Variants in MICALL1 observed in about 807,000 individuals in gnomAD.
MICALL1 encodes the protein MICAL like 1.
MICALL1 carries 61 observed loss-of-function variants against 83.7 expected under a neutral mutation model. That is an observed-to-expected ratio of 0.73 (90% CI 0.59 to 0.90). The LOEUF is 0.90. MICALL1 is among the 40% of genes least tolerant of loss of function. The pLI is 0.00. For missense variants in MICALL1, 1,066 were observed against 1,152.0 expected (o/e 0.93, Z 1.08); for synonymous variants, 481 against 473.6 (o/e 1.02, Z -0.20).
At chr22:37,911,720 G>A (rs1569134932) in intron 1 of MICALL1, among the ~76,000 whole-genome samples, 1 of 152,124 alleles carries the variant, frequency 6.6e-6, no homozygotes, top group Non-Finnish European at 1.5e-5. Flanking sequence ...ATGCCTCCAG[G>A]GCCCGTGATC....
At chr22:37,922,804 T>TG (rs1569141802) in intron 6 of MICALL1, among the ~76,000 whole-genome samples, 48 of 138,720 alleles carry the variant, frequency 3.5e-4, no homozygotes, top group Middle Eastern at 3.8e-3. Flanking sequence ...TTGTTTTTTT[T>TG]TTTTTTTTTT....
In MICALL1 at chr22:37,924,701, C is replaced by A. The variant is rs1929311020; in HGVS notation, c.1066C>A (p.Pro356Thr). The A allele has an allele frequency of 6.2e-7, 1 of 1,612,154 alleles. No homozygotes were observed. Reference sequence around the variant, plus strand: ...GCCTGTCCCCAAGCCGAGGGGGACACCGAAGCCGTCCGAGGGGTATGTCGA... The same window carrying A: ...GCCTGTCCCCAAGCCGAGGGGGACAACGAAGCCGTCCGAGGGGTATGTCGA... ...ELPVPKPRGT[P>T]KPSEGTPAPR... Residue 356 changes from proline to threonine, a missense_variant, in exon 7 of 16, where the codon CCG (proline) becomes ACG (threonine). Physicochemically the swap from Pro to Thr is conservative, Grantham distance 38 (BLOSUM62 -1). Transcript: ENST00000215957. This position sits in a 1 kb window ranked among gnomAD's most constrained non-coding sequence, Gnocchi z 5.2.
chr22:37,928,022 C>A (rs1432929560), intron 9 of MICALL1, among the ~76,000 whole-genome samples, 196 bp downstream of exon 9: 1 of 152,010 alleles, frequency 6.6e-6, no homozygotes, highest in African/African-American at 2.4e-5. Flanking sequence ...ATTCTCCTGC[C>A]TGAGCCCCCA....
intron 2 of MICALL1, 82 bp from the exon 3 acceptor site, chr22:37,912,268 GC>G (rs1928377115): frequency 6.6e-7 from 1 of 1,517,272 alleles, no homozygotes; most frequent in African/African-American, 1.4e-5. Context: ...AGGGAGCTGG[GC>G]CTAGGCTGAG....
chr22:37,921,954 T>A lies in MICALL1; in HGVS notation c.570-18T>A, dbSNP rs1929059132. On this transcript the variant is annotated intron_variant, in intron 5 of 15. Coordinates refer to ENST00000215957, the MANE Select transcript of MICALL1 (RefSeq NM_033386.4). The stretch of plus-strand genomic sequence containing the variant: ...CCAGCTGCCTGGCTAAGTGAACCCC[T>A]GTCCTGTCCCCTGCCAGGTGTCGGC... 6.5e-7 allele frequency: 1 copy of A among 1,542,378 alleles called. No individual in the cohort carries two copies. The highest frequency in any genetic ancestry group is 2.3e-5 in the East Asian group (1 of 44,078).
In MICALL1 at chr22:37,925,970, C is replaced by T. The variant is rs147736076; in HGVS notation, c.1392C>T (p.Tyr464=). 537 of 1,613,900 alleles carry T rather than the reference C, an allele frequency of 3.3e-4. 2 individuals carry two copies. Among genetic ancestry groups the T allele is most frequent in the South Asian group, 4.3e-4 (39 of 91,072 alleles). ...CACCCAAGTCCCTGCACCCCTGGTA[C>T]GGCATCACCCCTACCAGCAGCCCCA... is the stretch of plus-strand genomic sequence containing the variant. ...ESTPKSLHPW[Y]GITPTSSPKT... Residue 464 remains tyrosine (Y), a synonymous_variant, in exon 8 of 16, where the codon TAC becomes TAT. Transcript: ENST00000215957.
chr22:37,922,356 GC>G lies in MICALL1; in HGVS notation c.958del (p.Arg320GlyfsTer21). The G allele has an allele frequency of 2.7e-6, 4 of 1,468,444 alleles. No individual in the cohort carries two copies. The highest frequency in any genetic ancestry group is 1.2e-5 in the South Asian group (1 of 80,280). The allele number at this position is 1,468,444 out of a possible 1,614,324, so 91.0% of individuals were successfully genotyped here. ...AGAGCACCACCCCAGCACCCCCCAC[GC>G]CCCGGCCCCGCTCCAGTCTGCAGCA... is the stretch of plus-strand genomic sequence containing the variant. ...SESTTPAPPT[P>X]RPRSSLQQEN... On this transcript the variant is annotated frameshift_variant, in exon 6 of 16. Transcript: ENST00000215957. LOFTEE classifies it high-confidence loss of function.
chr22:37,916,157 G>A (rs1220876967), intron 3 of MICALL1, among the ~76,000 whole-genome samples: 4 of 152,154 alleles, frequency 2.6e-5, no homozygotes, highest in Non-Finnish European at 4.4e-5. Flanking sequence ...TGGGCAGCCT[G>A]GTGGGCAGGG....
chr22:37,926,900 T>C (rs1929479163), intron 8 of MICALL1: 2 of 158,556 alleles, frequency 1.3e-5, no homozygotes, highest in Admixed American at 1.2e-4. Context: ...TCCCACCCCG[T>C]GCTGGGGCGA....
At position 37,924,716 on chromosome 22, in the gene MICALL1, G is replaced by A. The variant is rs759554168; in HGVS notation, c.1081G>A (p.Gly361Arg). Residue 361 changes from glycine (G) to arginine (R), a missense_variant and splice_region_variant, in exon 7 of 16, where the codon GGG (glycine) becomes AGG (arginine). Coordinates refer to ENST00000215957, the MANE Select transcript of MICALL1 (RefSeq NM_033386.4). This position sits in a 1 kb window ranked among gnomAD's most constrained non-coding sequence, Gnocchi z 5.2. ...KPRGTPKPSE[G>R]TPAPRKDPPW... ...GAGGGGGACACCGAAGCCGTCCGAG[G>A]GGTATGTCGATCCCTGAGGGGCTTT... The A allele has an allele frequency of 5.6e-6, 9 of 1,612,252 alleles. No homozygotes were observed. Among genetic ancestry groups the A allele is most frequent in the Non-Finnish European group, 7.6e-6 (9 of 1,179,034 alleles).
chr22:37,925,650 C>G lies in MICALL1; in HGVS notation c.1083-11C>G, dbSNP rs375161285. On this transcript the variant is annotated splice_polypyrimidine_tract_variant and intron_variant, in intron 7 of 15. Coordinates refer to ENST00000215957, the MANE Select transcript of MICALL1 (RefSeq NM_033386.4). Reference sequence around the variant, plus strand: ...CTGCTAATGGTTTCTGCTGCTTCCCCCCTCCTCCAGGACACCAGCCCCCAG... The same window carrying G: ...CTGCTAATGGTTTCTGCTGCTTCCCGCCTCCTCCAGGACACCAGCCCCCAG... 1 of 1,588,806 alleles carries G rather than the reference C, an allele frequency of 6.3e-7. No individual in the cohort carries two copies. The highest frequency in any genetic ancestry group is 1.3e-5 in the African/African-American group (1 of 74,090).
intron 15 of MICALL1, among the ~76,000 whole-genome samples, chr22:37,938,401 CAAA>C (rs559904995): frequency 3.4e-5 from 2 of 59,164 alleles, no homozygotes; most frequent in Non-Finnish European, 7.3e-5. Context: ...GACTCAGTCT[CAAA>C]AAAAAAAAAA....
At chr22:37,918,104 C>A (rs1255945862) in intron 4 of MICALL1, among the ~76,000 whole-genome samples, 2 of 152,202 alleles carry the variant, frequency 1.3e-5, no homozygotes, top group African/African-American at 4.8e-5. Flanking sequence ...GCTGACTTCA[C>A]CATCATGGGA....
chr22:37,926,343 C>T (rs2072859), intron 8 of MICALL1, among the ~76,000 whole-genome samples: 43,787 of 152,122 alleles, frequency 0.29, 7,802 homozygotes, highest in Non-Finnish European at 0.39. Flanking sequence ...CCCTCCCTGT[C>T]GTGCTCGTTA....
Position 37,906,768 on chromosome 22 carries a change from T to A in MICALL1, c.146+200T>A. ...GCGCCCCTCCCCCGCCCGGCCGCCCTGACCCCGCCCGTGGGATCCCGAACT... is the reference window on the plus strand; with the variant it reads ...GCGCCCCTCCCCCGCCCGGCCGCCCAGACCCCGCCCGTGGGATCCCGAACT... On this transcript the variant is annotated intron_variant, in intron 1 of 15. Coordinates refer to ENST00000215957, the MANE Select transcript of MICALL1 (RefSeq NM_033386.4). This position sits in a 1 kb window ranked among gnomAD's most constrained non-coding sequence, Gnocchi z 4.4. 1 of 254,266 alleles carries A rather than the reference T, an allele frequency of 3.9e-6. No homozygotes were observed. The highest frequency in any genetic ancestry group is 6.9e-6 in the Non-Finnish European group (1 of 145,756). The allele number at this position is 254,266 out of a possible 1,614,324, so 15.8% of individuals were successfully genotyped here.
In MICALL1 at chr22:37,924,966, C is replaced by T. The variant is rs1929329792; in HGVS notation, c.1082+249C>T. Among the ~76,000 whole-genome samples, 1 of 152,184 alleles carries T rather than the reference C, an allele frequency of 6.6e-6. No homozygotes were observed. Among genetic ancestry groups the T allele is most frequent in the African/African-American group, 2.4e-5 (1 of 41,444 alleles). On this transcript the variant is annotated intron_variant, in intron 7 of 15. Coordinates refer to ENST00000215957, the MANE Select transcript of MICALL1 (RefSeq NM_033386.4). This position sits in a 1 kb window ranked among gnomAD's most constrained non-coding sequence, Gnocchi z 5.2. ...CGGTGCAGGCAGCCACCTCTGGTAC[C>T]CGTTGCCTCTCCAGGCTCCTTTGCC...
chr22:37,937,899 G>T (rs1042656740), intron 15 of MICALL1, 107 bp downstream of exon 15: 2 of 1,416,432 alleles, frequency 1.4e-6, no homozygotes, highest in Non-Finnish European at 2.0e-6. Context: ...CTACCAGGAT[G>T]GCTGTGCACA....
Position 37,922,347 on chromosome 22 carries a change from A to AC in MICALL1, c.951dup (p.Thr318HisfsTer108). 1 of 1,512,312 alleles carries AC rather than the reference A, an allele frequency of 6.6e-7. No individual in the cohort carries two copies. The highest frequency in any genetic ancestry group is 1.2e-5 in the South Asian group (1 of 80,150). 93.7% of individuals were successfully genotyped at this position (1,512,312 alleles called of 1,614,324 possible). A position where few individuals can be genotyped will look rare whatever the true frequency, so the allele number is the denominator to read the frequency against. On this transcript the variant is annotated frameshift_variant, in exon 6 of 16. Coordinates refer to ENST00000215957, the MANE Select transcript of MICALL1 (RefSeq NM_033386.4). LOFTEE classifies it high-confidence loss of function. ...AGGCCTCTGAGAGCACCACCCCAGCACCCCCCACGCCCCGGCCCCGCTCCA... is the reference window on the plus strand; with the variant it reads ...AGGCCTCTGAGAGCACCACCCCAGCACCCCCCCACGCCCCGGCCCCGCTCCA...
chr22:37,941,104 A>C lies in MICALL1; in HGVS notation c.*274A>C. 2.9e-6 allele frequency: 1 copy of C among 345,120 alleles called. No individual in the cohort carries two copies. Among genetic ancestry groups the C allele is most frequent in the South Asian group, 3.1e-5 (1 of 32,446 alleles). The allele number at this position is 345,120 out of a possible 1,614,324, so 21.4% of individuals were successfully genotyped here. On this transcript the variant is annotated 3_prime_UTR_variant, in exon 16 of 16. Coordinates refer to ENST00000215957, the MANE Select transcript of MICALL1 (RefSeq NM_033386.4). ...GGATGCTGTGACGGACCCAAGGGGC[A>C]AATAGGGTCCCAGGGTCCAGGGAGG...
Sources: gnomAD v4.1 joint callset for allele counts (sites outside exome capture counted in the v4.1 genomes callset) on GRCh38, gnomAD v4.1.1 for gene constraint, Gnocchi (gnomAD v3.1) non-coding constraint, MANE v1.5 for transcripts, NCBI Gene and HGNC (gene_info 2026-07-23, HGNC 2026-07-21) for gene names.